MRPS6: variants seen among roughly 807,000 people sequenced by gnomAD.
MRPS6 encodes small ribosomal subunit protein bS6m.
Under a neutral mutation model 13.1 loss-of-function variants are expected in MRPS6, and 6 were observed. The observed-to-expected ratio is 0.46, with a 90% CI of 0.25 to 0.91. The LOEUF is 0.91. Ranked by LOEUF, MRPS6 falls within the 40% of genes least tolerant of loss-of-function variation. MRPS6 has a pLI of 0.18. For synonymous variants in MRPS6, 61 were observed against 56.5 expected, an observed-to-expected ratio of 1.08 and a Z score of -0.36; for missense variants, 164 against 155.6, an observed-to-expected ratio of 1.05 and a Z score of -0.29.
chr21:34,105,909 T>C, intron 1 of MRPS6: 2 of 986,966 alleles, frequency 2.0e-6, no homozygotes, highest in Middle Eastern at 5.3e-4. Flanking sequence ...TTCTAACTTG[T>C]CTATTCTAAC....
At chr21:34,113,585 A>G (rs73899973) in intron 1 of MRPS6, among the ~76,000 whole-genome samples, 6,145 of 152,242 alleles carry the variant, frequency 0.04, 395 homozygotes, top group African/African-American at 0.14. Flanking sequence ...GCTCTACAGA[A>G]TAGAGCAGTC....
At chr21:34,098,160 TTA>T in intron 1 of MRPS6, 1 of 1,000,074 alleles carries the variant, frequency 1.0e-6, no homozygotes, top group Non-Finnish European at 1.2e-6. Flanking sequence ...TTAAGGTTGT[TTA>T]TATAGTTTGG....
intron 1 of MRPS6, among the ~76,000 whole-genome samples, chr21:34,116,600 G>A (rs1390460910): frequency 6.4e-5 from 2 of 31,440 alleles, no homozygotes; most frequent in African/African-American, 3.4e-4. Context: ...TGCTGGGTGT[G>A]TCCTGCAGAC....
chr21:34,102,500 GAAATAA>G (rs1979289069), intron 1 of MRPS6: 1 of 1,000,114 alleles, frequency 1.0e-6, no homozygotes, highest in Non-Finnish European at 1.2e-6. Context: ...CTTTCACTCA[GAAATAA>G]ACAAAAACTG....
intron 2 of MRPS6, among the ~76,000 whole-genome samples, chr21:34,136,960 A>G (rs2123273447): frequency 6.6e-6 from 1 of 152,274 alleles, no homozygotes; most frequent in East Asian, 1.9e-4. Context: ...TTGCGTGTGG[A>G]TACTGGATTA....
At chr21:34,112,672 C>G (rs116070080) in intron 1 of MRPS6, among the ~76,000 whole-genome samples, 4 of 152,098 alleles carry the variant, frequency 2.6e-5, no homozygotes, top group African/African-American at 7.2e-5. Context: ...AAAAATATTC[C>G]TCTGTCTATG....
intron 2 of MRPS6, among the ~76,000 whole-genome samples, chr21:34,133,638 G>C (rs146175808): frequency 2.6e-5 from 4 of 152,322 alleles, no homozygotes; most frequent in Non-Finnish European, 5.9e-5. Flanking sequence ...TGGAGCACTC[G>C]GCAGTGGTGG....
chr21:34,121,332 C>A (rs1388431959), intron 1 of MRPS6, among the ~76,000 whole-genome samples: 4 of 151,992 alleles, frequency 2.6e-5, no homozygotes, highest in African/African-American at 9.7e-5. Flanking sequence ...ACAGGAAAAT[C>A]GAGAACTACT....
intron 1 of MRPS6, chr21:34,100,018 A>G (rs919527995): frequency 2.3e-6 from 2 of 862,086 alleles, no homozygotes; most frequent in Non-Finnish European, 2.8e-6. Flanking sequence ...AAATGTTCAT[A>G]CTTTACACTG....
chr21:34,117,415 A>G (rs1490219182), intron 1 of MRPS6, among the ~76,000 whole-genome samples: 3 of 152,070 alleles, frequency 2.0e-5, no homozygotes, highest in African/African-American at 7.2e-5. Flanking sequence ...AGTAGTAGTA[A>G]TTCCTTCTTT....
intron 1 of MRPS6, among the ~76,000 whole-genome samples, chr21:34,074,923 G>A (rs550209438): frequency 6.6e-6 from 1 of 152,212 alleles, no homozygotes; most frequent in African/African-American, 2.4e-5. Flanking sequence ...AGGGACGCCA[G>A]TGCCTCTCTA....
chr21:34,110,069 T>C (rs939445893), intron 1 of MRPS6, among the ~76,000 whole-genome samples: 2 of 152,202 alleles, frequency 1.3e-5, no homozygotes, highest in Non-Finnish European at 2.9e-5. Flanking sequence ...TTCCCTGAGA[T>C]AACATGTTGC....
chr21:34,085,853 C>T (rs1488098863), intron 1 of MRPS6, among the ~76,000 whole-genome samples: 9 of 152,142 alleles, frequency 5.9e-5, no homozygotes, highest in East Asian at 3.9e-4. Flanking sequence ...TCACCCGCCT[C>T]GGCCTCCCAA....
At chr21:34,114,684 G>GCC (rs1297266172) in intron 1 of MRPS6, among the ~76,000 whole-genome samples, 1 of 152,094 alleles carries the variant, frequency 6.6e-6, no homozygotes, top group East Asian at 1.9e-4. Flanking sequence ...ATGCAAGTGA[G>GCC]CCCCCAAATT....
intron 2 of MRPS6, among the ~76,000 whole-genome samples, chr21:34,141,564 C>T (rs1437422734): frequency 1.3e-5 from 2 of 152,102 alleles, no homozygotes; most frequent in East Asian, 1.9e-4. Flanking sequence ...ACAAGGCAAG[C>T]GATGACGAAA....
chr21:34,141,510 G>A (rs1980905604), intron 2 of MRPS6, among the ~76,000 whole-genome samples: 1 of 152,190 alleles, frequency 6.6e-6, no homozygotes, highest in Non-Finnish European at 1.5e-5. Flanking sequence ...AGGCCTGGGA[G>A]GGGAATGTGC....
chr21:34,109,938 T>G (rs998293837), intron 1 of MRPS6, among the ~76,000 whole-genome samples: 3 of 152,154 alleles, frequency 2.0e-5, no homozygotes, highest in Non-Finnish European at 2.9e-5. Context: ...TCTAGTAGGT[T>G]TTCAGGTGGG....
At chr21:34,123,148 TG>T (rs1409706213) in intron 1 of MRPS6, 1 of 152,198 alleles carries the variant, frequency 6.6e-6, no homozygotes, top group Non-Finnish European at 1.5e-5. Flanking sequence ...AAGTAAAGAA[TG>T]TTTTTTTCTA....
intron 1 of MRPS6, chr21:34,101,157 C>T (rs1979219258): frequency 3.0e-6 from 3 of 999,972 alleles, no homozygotes; most frequent in Non-Finnish European, 3.6e-6. Context: ...GAGATAAGTA[C>T]CTGGGTGACA....
Sources: gnomAD v4.1 joint callset for allele counts (sites outside exome capture counted in the v4.1 genomes callset) on GRCh38, gnomAD v4.1.1 for gene constraint, MANE v1.5 for transcripts, NCBI Gene and HGNC (gene_info 2026-07-23, HGNC 2026-07-21) for gene names.